The following RSF1 variants were observed in gnomAD, a reference collection of about 807,000 sequenced individuals.
RSF1 encodes HBV pX-associated protein 8.
A neutral mutation model predicts 145.2 loss-of-function variants in RSF1; 13 were observed. The observed-to-expected ratio is 0.09, with a 90% CI of 0.06 to 0.14. The LOEUF is 0.14. Among genes scored for constraint, RSF1 ranks in the 10% least tolerant of loss-of-function variants. The pLI, the probability that RSF1 is intolerant of heterozygous loss-of-function variation, is 1.00. For missense variants in RSF1, 1,517 were observed against 1,718.2 expected (o/e 0.88, Z 2.07); for synonymous variants, 577 against 592.6 (o/e 0.97, Z 0.38).
At chr11:77,778,068 A>T in intron 1 of RSF1, among the ~76,000 whole-genome samples, 1 of 111,066 alleles carries the variant, frequency 9.0e-6, no homozygotes. Flanking sequence ...AGAGTTTGAG[A>T]GCAGCCTAGG....
At chr11:77,772,720 T>C (rs1037318796) in intron 1 of RSF1, among the ~76,000 whole-genome samples, 2 of 152,142 alleles carry the variant, frequency 1.3e-5, no homozygotes, top group African/African-American at 4.8e-5. Flanking sequence ...TTTATTTATT[T>C]GCCTTATAAC....
chr11:77,840,280 G>A, the RSF1 span, among the ~76,000 whole-genome samples: 6 of 152,196 alleles, frequency 3.9e-5, no homozygotes, highest in African/African-American at 9.6e-5. Flanking sequence ...TGTAATCCCA[G>A]CACTTTGGGA....
the RSF1 span, among the ~76,000 whole-genome samples, chr11:77,831,078 G>A: frequency 6.6e-6 from 1 of 151,476 alleles, no homozygotes; most frequent in Non-Finnish European, 1.5e-5. Context: ...AGAATTCGTC[G>A]AGGCTTCAGT....
intron 2 of RSF1, among the ~76,000 whole-genome samples, chr11:77,759,772 A>G (rs1410780183): frequency 6.6e-6 from 1 of 150,992 alleles, no homozygotes; most frequent in Non-Finnish European, 1.5e-5. Flanking sequence ...TCCTTGCTTC[A>G]CCATCTGGTG....
In RSF1 at chr11:77,713,881, T is replaced by A. The variant is rs185173533; in HGVS notation, c.734-11386A>T. Among the ~76,000 whole-genome samples, 349 of 152,320 alleles carry A rather than the reference T, an allele frequency of 2.3e-3. 2 individuals are homozygous for A. Among genetic ancestry groups the A allele is most frequent in the Admixed American group, 9.1e-3 (139 of 15,292 alleles). On this transcript the variant is annotated intron_variant, in intron 5 of 15. Transcript: ENST00000308488. ...GAGAAGCTTTCACTGTCCGTAGGGA[T>A]GTTATTCTGCTTCTTGTTCTCTCTT...
intron 1 of RSF1, among the ~76,000 whole-genome samples, chr11:77,800,268 G>A (rs1261985414): frequency 2.8e-4 from 43 of 152,112 alleles, no homozygotes; most frequent in Non-Finnish European, 2.9e-4. Context: ...GATGTGGGTG[G>A]ATCACTTGAG....
In RSF1 at chr11:77,760,659, G is replaced by A. The variant is rs542661239; in HGVS notation, c.279+3939C>T. Among the ~76,000 whole-genome samples, 23 of 152,168 alleles carry A rather than the reference G, an allele frequency of 1.5e-4. No individual in the cohort carries two copies. In the South Asian group the frequency reaches 4.8e-3, roughly 32 times the overall value. On this transcript the variant is annotated intron_variant, in intron 2 of 15. Transcript: ENST00000308488. ...ACTTTTGAGAAATACAACAGTAAAG[G>A]AACATCTAGTTCTTGTCAAAATACA...
At chr11:77,859,479 T>C in the RSF1 span, among the ~76,000 whole-genome samples, 4 of 152,336 alleles carry the variant, frequency 2.6e-5, no homozygotes, top group East Asian at 7.7e-4. Context: ...TGCATGGGCA[T>C]GGAGGACTAG....
intron 5 of RSF1, 45 bp downstream of exon 5, chr11:77,725,500 G>A: frequency 7.0e-7 from 1 of 1,434,948 alleles, no homozygotes. Context: ...GAAGAATATG[G>A]AAGAGATTAC....
At chr11:77,864,529 T>C in the RSF1 span, among the ~76,000 whole-genome samples, 3 of 152,190 alleles carry the variant, frequency 2.0e-5, no homozygotes, top group African/African-American at 7.2e-5. Flanking sequence ...GTGTATATTA[T>C]GTGAAAAAAT....
chr11:77,671,163 A>G (rs1222600982), intron 15 of RSF1, among the ~76,000 whole-genome samples: 1 of 94,836 alleles, frequency 1.1e-5, no homozygotes, highest in African/African-American at 4.9e-5. Context: ...ATATATATAT[A>G]TATATATATA....
chr11:77,701,581 G>T lies in RSF1; in HGVS notation c.1648C>A (p.Leu550Ile). The change falls in exon 6 of 16, where the codon CTC (leucine) becomes ATC (isoleucine). Residue 550 changes from leucine (L) to isoleucine (I), a missense_variant. Physicochemically the swap from Leu to Ile is conservative, Grantham distance 5. This residue lies in a region of RSF1 where 579 missense variants were observed against 553.5 expected (regional missense o/e 1.05). Coordinates refer to ENST00000308488, the MANE Select transcript of RSF1 (RefSeq NM_016578.4). ...SLDSSEMAKD[L>I]SSKTALSSTE... ...GAAGATAAAGCAGTTTTTGAAGAGA[G>T]ATCTTTTGCCATCTCAGAAGAATCA... The T allele has an allele frequency of 6.2e-7, 1 of 1,614,084 alleles. No individual in the cohort carries two copies. The highest frequency in any genetic ancestry group is 8.5e-7 in the Non-Finnish European group (1 of 1,180,000).
intron 11 of RSF1, among the ~76,000 whole-genome samples, chr11:77,683,013 C>A (rs887624129): frequency 6.6e-6 from 1 of 152,190 alleles, no homozygotes; most frequent in African/African-American, 2.4e-5. Context: ...CAATGCTTGG[C>A]TGGGTGTGGT....
chr11:77,693,108 CTA>C (rs1470820884), intron 8 of RSF1, among the ~76,000 whole-genome samples: 1 of 152,158 alleles, frequency 6.6e-6, no homozygotes, highest in Non-Finnish European at 1.5e-5. Context: ...GAAAGAGAAT[CTA>C]TGTTTCTCCT....
At chr11:77,765,355 T>C (rs1243987548) in intron 1 of RSF1, among the ~76,000 whole-genome samples, 2 of 152,232 alleles carry the variant, frequency 1.3e-5, no homozygotes, top group African/African-American at 4.8e-5. Context: ...AATCTATCCC[T>C]TGTCTGATGT....
chr11:77,744,341 AAAGAC>A (rs1947976602), intron 3 of RSF1, among the ~76,000 whole-genome samples: 1 of 149,938 alleles, frequency 6.7e-6, no homozygotes. Flanking sequence ...TTTATTTTTT[AAAGAC>A]AAGAGTCTCA....
chr11:77,824,975 T>G (rs544207306), upstream of RSF1, among the ~76,000 whole-genome samples: 7 of 152,242 alleles, frequency 4.6e-5, no homozygotes, highest in South Asian at 1.5e-3. Flanking sequence ...ACATAGTTTT[T>G]TTGTTGTTGT....
the RSF1 span, among the ~76,000 whole-genome samples, chr11:77,856,877 A>G: frequency 6.6e-6 from 1 of 152,220 alleles, no homozygotes; most frequent in Non-Finnish European, 1.5e-5. Context: ...AGTATTCCAT[A>G]TTTCATTCTT....
the RSF1 span, among the ~76,000 whole-genome samples, chr11:77,857,359 A>G: frequency 2.0e-5 from 3 of 152,210 alleles, no homozygotes. Context: ...CAGGAAAAAC[A>G]TATGTCTAGA....
Sources: gnomAD v4.1 joint callset for allele counts (sites outside exome capture counted in the v4.1 genomes callset) on GRCh38, gnomAD v4.1.1 for gene constraint, gnomAD v4.1.1 regional missense constraint, MANE v1.5 for transcripts, NCBI Gene and HGNC (gene_info 2026-07-23, HGNC 2026-07-21) for gene names.